The following MRPL13 variants were observed in gnomAD, a reference collection of about 807,000 sequenced individuals.
The protein encoded by MRPL13 is mitochondrial ribosomal protein L13.
A neutral mutation model predicts 29.0 loss-of-function variants in MRPL13; 33 were observed. The ratio of observed to expected loss-of-function variants is 1.14; its 90% CI spans 0.86 to 1.52. The LOEUF (loss-of-function observed/expected upper bound fraction) is 1.52, where lower values mean the gene tolerates loss of function less well. Among genes scored for constraint, MRPL13 ranks in the 40% most tolerant of loss-of-function variants. The pLI is 0.00. For synonymous variants in MRPL13, 77 were observed against 68.4 expected, an observed-to-expected ratio of 1.13 and a Z score of -0.62; for missense variants, 227 against 216.7, an observed-to-expected ratio of 1.05 and a Z score of -0.30.
At chr8:120,426,419 T>C (rs1191056369) in intron 3 of MRPL13, among the ~76,000 whole-genome samples, 1 of 152,144 alleles carries the variant, frequency 6.6e-6, no homozygotes, top group African/African-American at 2.4e-5. Flanking sequence ...AAAATTGATA[T>C]TCTCTTTTTT....
chr8:120,444,943 G>T, intron 1 of MRPL13, 125 bp downstream of exon 1: 1 of 1,262,368 alleles, frequency 7.9e-7, no homozygotes, highest in Non-Finnish European at 1.1e-6. Flanking sequence ...GCTTTCCCAA[G>T]TCACCTCTTG....
At position 120,395,981 on chromosome 8, in the gene MRPL13, G is replaced by A. The variant is rs1302512075; in HGVS notation, c.*123C>T. The A allele has an allele frequency of 6.8e-6, 5 of 739,422 alleles. No individual in the cohort carries two copies. Among genetic ancestry groups the A allele is most frequent in the East Asian group, 2.9e-5 (1 of 33,920 alleles). The allele number at this position is 739,422 out of a possible 1,614,324, so 45.8% of individuals were successfully genotyped here. On this transcript the variant is annotated 3_prime_UTR_variant, in exon 7 of 7. Coordinates refer to ENST00000306185, the MANE Select transcript of MRPL13 (RefSeq NM_014078.6). ...TACCTTCCTGACCTTTCCCCACAGT[G>A]ATTCGGCACATAAAACAGGTGCTGA...
intron 2 of MRPL13, among the ~76,000 whole-genome samples, chr8:120,438,393 A>G (rs1363906837): frequency 1.3e-5 from 2 of 152,190 alleles, no homozygotes; most frequent in Non-Finnish European, 2.9e-5. Context: ...GTAAGTTTCT[A>G]CTTTCACAGA....
At chr8:120,403,540 G>C (rs184592151) in intron 6 of MRPL13, among the ~76,000 whole-genome samples, 45 of 152,232 alleles carry the variant, frequency 3.0e-4, no homozygotes, top group African/African-American at 1.0e-3. Context: ...ATGGATGCTG[G>C]AGATGGGTTG....
chr8:120,437,490 T>C (rs1305836436), intron 2 of MRPL13, among the ~76,000 whole-genome samples: 1 of 152,218 alleles, frequency 6.6e-6, no homozygotes, highest in Non-Finnish European at 1.5e-5. Context: ...AATTCATTAA[T>C]TCAGTTGGCA....
intron 6 of MRPL13, among the ~76,000 whole-genome samples, chr8:120,407,077 C>G (rs1260248326): frequency 6.6e-6 from 1 of 152,132 alleles, no homozygotes; most frequent in Non-Finnish European, 1.5e-5. Context: ...CATCCCTATG[C>G]AAAACACTGC....
intron 6 of MRPL13, among the ~76,000 whole-genome samples, chr8:120,399,732 T>C (rs1233530108): frequency 1.3e-5 from 2 of 152,174 alleles, no homozygotes; most frequent in Non-Finnish European, 2.9e-5. Context: ...ATCAGTATGC[T>C]GTCTTCAAGG....
At chr8:120,442,960 CAGT>C (rs1306214593) in intron 2 of MRPL13, among the ~76,000 whole-genome samples, 1 of 152,046 alleles carries the variant, frequency 6.6e-6, no homozygotes, top group African/African-American at 2.4e-5. Context: ...TTTCGCTGGG[CAGT>C]GGCATAAAAT....
At chr8:120,438,020 G>A (rs1175472319) in intron 2 of MRPL13, among the ~76,000 whole-genome samples, 1 of 152,094 alleles carries the variant, frequency 6.6e-6, no homozygotes, top group Non-Finnish European at 1.5e-5. Flanking sequence ...TTTGATTTTA[G>A]TGACATCTTC....
chr8:120,410,750 C>A (rs1433726111), intron 6 of MRPL13, among the ~76,000 whole-genome samples: 1 of 151,926 alleles, frequency 6.6e-6, no homozygotes, highest in East Asian at 1.9e-4. Context: ...GAGTTACCTC[C>A]CTCCCTCCAT....
intron 5 of MRPL13, chr8:120,414,914 T>A (rs1450509567): frequency 1.3e-5 from 2 of 152,164 alleles, no homozygotes; most frequent in Admixed American, 1.3e-4. Flanking sequence ...GTAGACACAA[T>A]GAACTGCAGT....
chr8:120,418,950 G>C (rs972604887), intron 5 of MRPL13, among the ~76,000 whole-genome samples: 7 of 151,936 alleles, frequency 4.6e-5, no homozygotes, highest in African/African-American at 1.7e-4. Context: ...AGCTTAAACA[G>C]TAAGAGCACA....
At chr8:120,413,126 G>A (rs1812759317) in intron 6 of MRPL13, among the ~76,000 whole-genome samples, 1 of 152,118 alleles carries the variant, frequency 6.6e-6, no homozygotes, top group Non-Finnish European at 1.5e-5. Flanking sequence ...TGAAAAAAAT[G>A]AAAAGTGGTC....
chr8:120,399,225 A>G (rs1316157989), intron 6 of MRPL13, among the ~76,000 whole-genome samples: 1 of 152,164 alleles, frequency 6.6e-6, no homozygotes, highest in Non-Finnish European at 1.5e-5. Flanking sequence ...AAAAGAAAAA[A>G]TGTTAAGGAC....
intron 6 of MRPL13, among the ~76,000 whole-genome samples, chr8:120,413,089 GAGTAC>G (rs1374184687): frequency 6.6e-6 from 1 of 152,116 alleles, no homozygotes; most frequent in Non-Finnish European, 1.5e-5. Flanking sequence ...ATATAAATGA[GAGTAC>G]AGTAGATAGT....
rs771761229 is a variant in MRPL13, at chr8:120,425,406, T to C, written c.246-40A>G. 8 of 1,337,350 alleles carry C rather than the reference T, an allele frequency of 6.0e-6. No individual in the cohort carries two copies. The South Asian group carries it at 9.9e-5, about 17-fold the overall frequency. 82.8% of individuals were successfully genotyped at this position (1,337,350 alleles called of 1,614,324 possible). A position where few individuals can be genotyped will look rare whatever the true frequency, so the allele number is the denominator to read the frequency against. On this transcript the variant is annotated intron_variant, in intron 3 of 6. Coordinates refer to ENST00000306185, the MANE Select transcript of MRPL13 (RefSeq NM_014078.6). ...AAAGACATTAAAACTGGGCATAGGC[T>C]GATACTGTATTCTTAAACTGATCAT...
At chr8:120,409,361 G>GTT (rs1812715890) in intron 6 of MRPL13, among the ~76,000 whole-genome samples, 1 of 152,098 alleles carries the variant, frequency 6.6e-6, no homozygotes, top group Admixed American at 6.5e-5. Flanking sequence ...AATGATCCAA[G>GTT]TTTTATTTGT....
chr8:120,399,146 C>T (rs977335148), intron 6 of MRPL13, among the ~76,000 whole-genome samples: 7 of 152,016 alleles, frequency 4.6e-5, no homozygotes, highest in Admixed American at 6.6e-5. Context: ...TCCGGAGAAC[C>T]CCAGTAAGGT....
chr8:120,401,979 A>C (rs1586916866), intron 6 of MRPL13, among the ~76,000 whole-genome samples: 1 of 152,202 alleles, frequency 6.6e-6, no homozygotes, highest in African/African-American at 2.4e-5. Context: ...ACTGCAAACC[A>C]CTGCTCAAGG....
Sources: allele counts gnomAD v4.1 joint callset (sites outside exome capture counted in the v4.1 genomes callset), GRCh38; gene constraint gnomAD v4.1.1; transcripts MANE v1.5; gene names NCBI Gene and HGNC (gene_info 2026-07-23, HGNC 2026-07-21).